ADAMTS6: variants seen among roughly 807,000 people sequenced by gnomAD.
ADAMTS6 encodes ADAM metallopeptidase with thrombospondin type 1 motif 6, also known as A disintegrin and metalloproteinase with thrombospondin motifs 6.
ADAMTS6 carries 23 observed loss-of-function variants against 144.3 expected under a neutral mutation model. The observed-to-expected ratio is 0.16, with a 90% CI of 0.11 to 0.23. The LOEUF (loss-of-function observed/expected upper bound fraction) is 0.23. Ranked by LOEUF, ADAMTS6 falls within the 10% of genes least tolerant of loss-of-function variation. ADAMTS6 has a pLI of 1.00. For synonymous variants in ADAMTS6, 444 were observed against 457.5 expected (o/e 0.97, Z 0.38); for missense variants, 999 against 1,379.6 (o/e 0.72, Z 4.37).
chr5:65,313,748 C>T (rs1396453500), intron 9 of ADAMTS6, among the ~76,000 whole-genome samples: 1 of 152,040 alleles, frequency 6.6e-6, no homozygotes, highest in East Asian at 1.9e-4. Flanking sequence ...AGTCATGCTA[C>T]ATTAACTGAA....
intron 20 of ADAMTS6, among the ~76,000 whole-genome samples, chr5:65,199,316 C>A (rs1167756601): frequency 6.6e-6 from 1 of 152,044 alleles, no homozygotes; most frequent in Non-Finnish European, 1.5e-5. Flanking sequence ...TGAATTAAGT[C>A]AAGATAAAAT....
intron 7 of ADAMTS6, among the ~76,000 whole-genome samples, chr5:65,369,544 A>T (rs1477299429): frequency 4.6e-5 from 7 of 152,136 alleles, no homozygotes; most frequent in Admixed American, 4.6e-4. Context: ...TCATTAAAAA[A>T]AAAAACAGTA....
At chr5:65,236,768 A>T (rs1186312375) in intron 15 of ADAMTS6, among the ~76,000 whole-genome samples, 4 of 152,200 alleles carry the variant, frequency 2.6e-5, no homozygotes, top group African/African-American at 9.6e-5. Context: ...TGGAAATGTA[A>T]AAGAGCGAAA....
intron 7 of ADAMTS6, among the ~76,000 whole-genome samples, chr5:65,388,810 T>G (rs1752677575): frequency 6.6e-6 from 1 of 152,198 alleles, no homozygotes; most frequent in Non-Finnish European, 1.5e-5. Flanking sequence ...TCCCCAAATA[T>G]TACTACTTTA....
intron 14 of ADAMTS6, among the ~76,000 whole-genome samples, chr5:65,243,291 T>G (rs1005246993): frequency 2.6e-5 from 4 of 152,156 alleles, no homozygotes; most frequent in Non-Finnish European, 4.4e-5. Context: ...TCTCTGTGTT[T>G]GCTTTATATA....
intron 7 of ADAMTS6, among the ~76,000 whole-genome samples, chr5:65,374,712 C>A (rs1414283766): frequency 6.6e-6 from 1 of 152,190 alleles, no homozygotes; most frequent in South Asian, 2.1e-4. Context: ...TCAATGCCAT[C>A]CCCATCAAGC....
intron 22 of ADAMTS6, among the ~76,000 whole-genome samples, chr5:65,178,458 T>A (rs1288229990): frequency 1.3e-5 from 2 of 152,308 alleles, no homozygotes; most frequent in East Asian, 3.9e-4. Context: ...GCAACAAGCT[T>A]TTCATGAGTT....
intron 7 of ADAMTS6, among the ~76,000 whole-genome samples, chr5:65,402,523 T>C (rs1754011431): frequency 6.6e-6 from 1 of 152,158 alleles, no homozygotes; most frequent in South Asian, 2.1e-4. Flanking sequence ...ACCTTCTTAT[T>C]ATTTACTCTC....
chr5:65,226,745 T>C (rs912104620), intron 15 of ADAMTS6, among the ~76,000 whole-genome samples: 1 of 151,964 alleles, frequency 6.6e-6, no homozygotes, highest in Admixed American at 6.6e-5. Context: ...ACTATGCCCA[T>C]CTAATTTTTG....
At chr5:65,444,835 A>T (rs1758139534) in intron 7 of ADAMTS6, among the ~76,000 whole-genome samples, 1 of 152,184 alleles carries the variant, frequency 6.6e-6, no homozygotes, top group Admixed American at 6.5e-5. Flanking sequence ...GCAAGACTGC[A>T]TGGTACAAAT....
intron 7 of ADAMTS6, among the ~76,000 whole-genome samples, chr5:65,439,787 T>C (rs558394438): frequency 6.6e-6 from 1 of 152,278 alleles, no homozygotes; most frequent in Non-Finnish European, 1.5e-5. Context: ...ACTGGGGTTA[T>C]ATAAGAGAAT....
intron 7 of ADAMTS6, among the ~76,000 whole-genome samples, chr5:65,366,657 C>A (rs1015993494): frequency 5.3e-5 from 8 of 152,212 alleles, no homozygotes; most frequent in Non-Finnish European, 1.5e-5. Flanking sequence ...TATCATCTTG[C>A]TGACCCCAGA....
At chr5:65,449,203 T>A (rs1758534480) in intron 7 of ADAMTS6, among the ~76,000 whole-genome samples, 1 of 152,242 alleles carries the variant, frequency 6.6e-6, no homozygotes, top group Non-Finnish European at 1.5e-5. Flanking sequence ...AGCATTTTTC[T>A]AACCTCTGTT....
intron 7 of ADAMTS6, among the ~76,000 whole-genome samples, chr5:65,414,313 GT>G (rs1755314574): frequency 6.6e-6 from 1 of 150,958 alleles, no homozygotes; most frequent in Non-Finnish European, 1.5e-5. Context: ...ATTTCTTTGT[GT>G]CTTCATTTCC....
intron 7 of ADAMTS6, among the ~76,000 whole-genome samples, chr5:65,402,935 G>A (rs1754060150): frequency 6.6e-6 from 1 of 152,016 alleles, no homozygotes. Flanking sequence ...TGAATAAGTT[G>A]TGTATATGCA....
chr5:65,257,191 G>C (rs1760758372), intron 14 of ADAMTS6, among the ~76,000 whole-genome samples: 2 of 151,686 alleles, frequency 1.3e-5, no homozygotes, highest in Admixed American at 1.3e-4. Context: ...TTAAGTTCCA[G>C]TAGCATCCTG....
chr5:65,398,244 C>G (rs946423053), intron 7 of ADAMTS6, among the ~76,000 whole-genome samples: 1 of 152,222 alleles, frequency 6.6e-6, no homozygotes, highest in Non-Finnish European at 1.5e-5. Context: ...TCAACTATAA[C>G]AGTAGATTCA....
chr5:65,305,556 A>T (rs936053173), intron 9 of ADAMTS6, among the ~76,000 whole-genome samples: 4 of 141,150 alleles, frequency 2.8e-5, no homozygotes, highest in African/African-American at 8.1e-5. Flanking sequence ...ATAATAATTT[A>T]AAAAAAGAAG....
intron 20 of ADAMTS6, among the ~76,000 whole-genome samples, chr5:65,200,650 T>C (rs553350515): frequency 6.6e-6 from 1 of 152,292 alleles, no homozygotes; most frequent in South Asian, 2.1e-4. Flanking sequence ...TTCTGCAGAA[T>C]TTAATAAAAA....
Sources: allele counts gnomAD v4.1 joint callset (sites outside exome capture counted in the v4.1 genomes callset), GRCh38; gene constraint gnomAD v4.1.1; transcripts MANE v1.5; gene names NCBI Gene and HGNC (gene_info 2026-07-23, HGNC 2026-07-21).